GALNT17: variants seen among roughly 807,000 people sequenced by gnomAD.
The protein encoded by GALNT17 is polypeptide N-acetylgalactosaminyltransferase 17.
Under a neutral mutation model 63.7 loss-of-function variants are expected in GALNT17, and 29 were observed. The ratio of observed to expected loss-of-function variants is 0.46; its 90% CI spans 0.34 to 0.62. The LOEUF (loss-of-function observed/expected upper bound fraction) is 0.62. Ranked by LOEUF, GALNT17 falls within the 20% of genes least tolerant of loss-of-function variation. GALNT17 has a pLI of 0.01. For synonymous variants in GALNT17, 305 were observed against 318.3 expected, an observed-to-expected ratio of 0.96 and a Z score of 0.45; for missense variants, 603 against 799.6, an observed-to-expected ratio of 0.75 and a Z score of 2.97.
At chr7:71,375,345 A>C (rs1792701523) in intron 2 of GALNT17, among the ~76,000 whole-genome samples, 1 of 152,138 alleles carries the variant, frequency 6.6e-6, no homozygotes, top group Admixed American at 6.5e-5. Context: ...GCAGGGTAAC[A>C]ACTTTTAGGA....
intron 1 of GALNT17, among the ~76,000 whole-genome samples, chr7:71,212,620 AG>A (rs545033717): frequency 6.6e-6 from 1 of 152,054 alleles, no homozygotes; most frequent in Non-Finnish European, 1.5e-5. Context: ...AGCAGCCAGG[AG>A]GGGGGGCTAT....
intron 1 of GALNT17, among the ~76,000 whole-genome samples, chr7:71,140,734 A>ATT (rs1432207313): frequency 1.3e-5 from 2 of 152,152 alleles, no homozygotes; most frequent in African/African-American, 4.8e-5. Context: ...AAGAATATAT[A>ATT]AGAAGAACCA....
chr7:71,332,780 C>G (rs548438895), intron 1 of GALNT17, among the ~76,000 whole-genome samples: 4 of 152,248 alleles, frequency 2.6e-5, no homozygotes, highest in African/African-American at 9.6e-5. Flanking sequence ...CAACCTCTGC[C>G]TCCTGGGTTC....
At chr7:71,661,509 G>A (rs941165935) in intron 6 of GALNT17, among the ~76,000 whole-genome samples, 2 of 152,188 alleles carry the variant, frequency 1.3e-5, no homozygotes, top group African/African-American at 2.4e-5. Flanking sequence ...CACACAAGAG[G>A]TGCCGCTAAT....
intron 1 of GALNT17, among the ~76,000 whole-genome samples, chr7:71,285,308 A>G (rs892172220): frequency 7.9e-5 from 12 of 152,170 alleles, no homozygotes; most frequent in African/African-American, 2.9e-4. Flanking sequence ...TCCTTCTTCC[A>G]GTATGGTTGG....
intron 1 of GALNT17, among the ~76,000 whole-genome samples, chr7:71,208,452 T>C (rs1789314749): frequency 7.7e-6 from 1 of 130,326 alleles, no homozygotes; most frequent in Non-Finnish European, 1.6e-5. Context: ...ATAAATGCTT[T>C]TTTTTTTTTT....
chr7:71,579,335 T>TCTGTA (rs1789590135), intron 6 of GALNT17, among the ~76,000 whole-genome samples: 1 of 152,216 alleles, frequency 6.6e-6, no homozygotes, highest in African/African-American at 2.4e-5. Flanking sequence ...GTGAGTGCCT[T>TCTGTA]CTGTAGCCCA....
At chr7:71,470,212 A>C (rs553033714) in intron 5 of GALNT17, among the ~76,000 whole-genome samples, 2 of 152,302 alleles carry the variant, frequency 1.3e-5, no homozygotes, top group Admixed American at 6.5e-5. Flanking sequence ...CCCTCTCAAA[A>C]AACAACAACA....
At chr7:71,488,574 CT>C (rs965444360) in intron 5 of GALNT17, among the ~76,000 whole-genome samples, 5,116 of 100,638 alleles carry the variant, frequency 0.051, 81 homozygotes, top group South Asian at 0.12. Flanking sequence ...ACTTGCCCTT[CT>C]TTTTTTTTTT....
chr7:71,477,667 C>T (rs1787747631), intron 5 of GALNT17, among the ~76,000 whole-genome samples: 1 of 151,680 alleles, frequency 6.6e-6, no homozygotes, highest in South Asian at 2.1e-4. Flanking sequence ...CCGGCCTGGG[C>T]AACAGGCCAA....
chr7:71,639,527 A>G (rs925809048), intron 6 of GALNT17, among the ~76,000 whole-genome samples: 1 of 152,080 alleles, frequency 6.6e-6, no homozygotes, highest in Non-Finnish European at 1.5e-5. Context: ...TTGCACGAGG[A>G]GGGCTGTGGG....
At chr7:71,348,954 A>C (rs75340875) in intron 2 of GALNT17, among the ~76,000 whole-genome samples, 2,170 of 152,280 alleles carry the variant, frequency 0.014, 27 homozygotes, top group Middle Eastern at 0.027. Context: ...ATGGGCACAC[A>C]CACATCCCCA....
At chr7:71,439,284 C>T (rs1264007147) in intron 5 of GALNT17, among the ~76,000 whole-genome samples, 1 of 152,156 alleles carries the variant, frequency 6.6e-6, no homozygotes, top group Non-Finnish European at 1.5e-5. Flanking sequence ...GAAAGCTATT[C>T]CTTATGAAAT....
chr7:71,227,895 G>A (rs749123594), intron 1 of GALNT17, among the ~76,000 whole-genome samples: 2 of 152,198 alleles, frequency 1.3e-5, no homozygotes, highest in Non-Finnish European at 2.9e-5. Flanking sequence ...TCTGCCGGTC[G>A]TGGCATGCCT....
At chr7:71,679,781 G>C (rs539247998) in intron 9 of GALNT17, among the ~76,000 whole-genome samples, 1 of 152,130 alleles carries the variant, frequency 6.6e-6, no homozygotes, top group South Asian at 2.1e-4. Flanking sequence ...CCCCAAGGCT[G>C]CGACAACACC....
chr7:71,148,846 GTAT>G (rs2116205455), intron 1 of GALNT17, among the ~76,000 whole-genome samples: 1 of 103,470 alleles, frequency 9.7e-6, no homozygotes, highest in East Asian at 2.7e-4. Context: ...AAATACAGTA[GTAT>G]TATGGTATTT....
rs544449417 is a variant in GALNT17, at chr7:71,310,347, A to G, written c.239-25203A>G. On this transcript the variant is annotated intron_variant, in intron 1 of 10. Transcript: ENST00000333538. ...AAAGGATTCCCTAAATCATATCACT[A>G]TGTGTTCAATGGCATCGTCTTTGTA... is the stretch of plus-strand genomic sequence containing the variant. Among the ~76,000 whole-genome samples, 15 of 152,292 alleles carry G rather than the reference A, an allele frequency of 9.8e-5. No homozygotes were observed. The East Asian group carries it at 1.2e-3, about 12-fold the overall frequency.
chr7:71,655,752 G>C (rs1790819499), intron 6 of GALNT17, among the ~76,000 whole-genome samples: 1 of 152,096 alleles, frequency 6.6e-6, no homozygotes, highest in Non-Finnish European at 1.5e-5. Context: ...AGGCTGGGCT[G>C]GCTGATGTTG....
chr7:71,154,290 G>A (rs777564752), intron 1 of GALNT17, among the ~76,000 whole-genome samples: 8 of 152,202 alleles, frequency 5.3e-5, no homozygotes, highest in African/African-American at 1.9e-4. Flanking sequence ...TCTGTTCAGC[G>A]CAGGAGCCAG....
Sources: allele counts gnomAD v4.1 joint callset (sites outside exome capture counted in the v4.1 genomes callset), GRCh38; gene constraint gnomAD v4.1.1; transcripts MANE v1.5; gene names NCBI Gene and HGNC (gene_info 2026-07-23, HGNC 2026-07-21).